The following MED12 variants were observed in gnomAD, a reference collection of about 807,000 sequenced individuals.
MED12 encodes mediator complex subunit 12, also known as mediator of RNA polymerase II transcription subunit 12.
A neutral mutation model predicts 177.7 loss-of-function variants in MED12; 10 were observed. The ratio of observed to expected loss-of-function variants is 0.06; its 90% CI spans 0.03 to 0.10. The LOEUF (loss-of-function observed/expected upper bound fraction) is 0.10. Ranked by LOEUF, MED12 falls within the 10% of genes least tolerant of loss-of-function variation. The probability of loss-of-function intolerance (pLI) is 1.00; values close to 1 mark genes in which losing one functional copy is unlikely to be tolerated. For synonymous variants in MED12, 641 were observed against 678.4 expected (o/e 0.94, Z 0.86); for missense variants, 867 against 1,780.8 (o/e 0.49, Z 9.23).
intron 41 of MED12, among the ~76,000 whole-genome samples, chrX:71,138,229 G>A (rs1390751641): frequency 1.8e-5 from 2 of 111,833 alleles, no homozygotes; most frequent in African/African-American, 3.3e-5. Flanking sequence ...GCTCACACTG[G>A]TAGTCCCAGC....
intron 23 of MED12, 74 bp from the exon 24 acceptor site, chrX:71,128,523 TC>T (rs1359998697): frequency 1.7e-6 from 2 of 1,206,406 alleles, no homozygotes; most frequent in African/African-American, 3.5e-5. Flanking sequence ...GGGACAGAGT[TC>T]CGTAGAGTGG....
intron 28 of MED12, among the ~76,000 whole-genome samples, 178 bp from the exon 29 acceptor site, chrX:71,131,372 C>T (rs1234150523): frequency 3.6e-5 from 4 of 111,148 alleles, no homozygotes; most frequent in Admixed American, 1.9e-4. Context: ...TCAGGTGATC[C>T]GCCTGTCTCA....
intron 8 of MED12, 80 bp from the exon 9 acceptor site, chrX:71,122,428 A>G: frequency 8.4e-7 from 1 of 1,185,976 alleles, no homozygotes; most frequent in Non-Finnish European, 1.1e-6. Context: ...TTTGGAGTCT[A>G]GTACTATTCT....
In MED12 at chrX:71,135,165, G is replaced by A. The variant is rs2092328967; in HGVS notation, c.4937G>A (p.Arg1646Gln). The change falls in exon 36 of 45, where the codon CGA (arginine) becomes CAA (glutamine). Residue 1646 changes from arginine to glutamine, a missense_variant. Transcript: ENST00000374080. ...CTGCTGCCACTGCCCAAGCAGACCCGAGATGTCATCACGTGTGAGCCACAG... is the reference window on the plus strand; with the variant it reads ...CTGCTGCCACTGCCCAAGCAGACCCAAGATGTCATCACGTGTGAGCCACAG... ...RQLLPLPKQT[R>Q]DVITCEPQGS... is the part of the protein sequence containing the mutation. The A allele has an allele frequency of 1.7e-6, 2 of 1,211,663 alleles. No individual in the cohort carries two copies. Among genetic ancestry groups the A allele is most frequent in the Non-Finnish European group, 2.2e-6 (2 of 895,417 alleles).
intron 4 of MED12, 26 bp downstream of exon 4, chrX:71,120,196 A>G: frequency 8.3e-7 from 1 of 1,197,677 alleles, no homozygotes. Context: ...CACCAGGTGT[A>G]CTGCTGATGG....
In MED12 at chrX:71,141,339, C is replaced by G; in HGVS notation, c.6377C>G (p.Pro2126Arg). ...HQQQQQQQAA[P>R]PQPQPQSQPQ... ...CAGCAACAGCAGCAACAGGCGGCTCCTCCCCAACCCCAGCCCCAGTCCCAG... is the reference window on the plus strand; with the variant it reads ...CAGCAACAGCAGCAACAGGCGGCTCGTCCCCAACCCCAGCCCCAGTCCCAG... The change falls in exon 43 of 45, where the codon CCT becomes CGT. Residue 2126 changes from proline (P) to arginine (R), a missense_variant. By Grantham distance (103) the Pro-to-Arg change is moderately radical (BLOSUM62 -2). Around this residue, in one of 14 missense-constraint regions of MED12, gnomAD observed 236 missense variants for 345.2 expected, o/e 0.68. Transcript: ENST00000374080. The G allele has an allele frequency of 8.7e-7, 1 of 1,154,615 alleles. No homozygotes were observed. The highest frequency in any genetic ancestry group is 1.2e-6 in the Non-Finnish European group (1 of 866,559).
chrX:71,139,206 A>C (rs1204129413), intron 41 of MED12, among the ~76,000 whole-genome samples: 4 of 112,289 alleles, frequency 3.6e-5, no homozygotes, highest in African/African-American at 1.3e-4. Context: ...GAGAAAAAGT[A>C]CGTGGTAATA....
intron 36 of MED12, among the ~76,000 whole-genome samples, chrX:71,135,767 T>C (rs2092330632): frequency 8.9e-6 from 1 of 112,046 alleles, no homozygotes; most frequent in Non-Finnish European, 1.9e-5. Context: ...TTCCTCCGTC[T>C]CTGTCTCTCT....
intron 26 of MED12, 66 bp downstream of exon 26, chrX:71,129,495 G>A: frequency 4.1e-6 from 4 of 966,509 alleles, no homozygotes; most frequent in Non-Finnish European, 5.9e-6. Context: ...TAAACTACAA[G>A]GGACAGTCTT....
At chrX:71,118,999 AG>A in intron 1 of MED12, 146 bp downstream of exon 1, 1 of 58,929 alleles carries the variant, frequency 1.7e-5, no homozygotes, top group East Asian at 3.7e-4. Context: ...CTGGCGTGGG[AG>A]GGCAGGACGG....
At chrX:71,141,404 C>T in intron 43 of MED12, 34 bp downstream of exon 43, 3 of 1,167,539 alleles carry the variant, frequency 2.6e-6, no homozygotes, top group Non-Finnish European at 3.4e-6. Context: ...GGCTCAGGGA[C>T]AGCTGCCCAG....
intron 42 of MED12, among the ~76,000 whole-genome samples, 164 bp from the exon 43 acceptor site, chrX:71,141,066 T>C (rs1244215473): frequency 9.1e-6 from 1 of 110,465 alleles, no homozygotes; most frequent in Non-Finnish European, 1.9e-5. Context: ...CATTGTCTGC[T>C]GGGTACCCTA....
chrX:71,127,866 A>G (rs1447794456), intron 21 of MED12, 27 bp from the exon 22 acceptor site: 4 of 1,138,855 alleles, frequency 3.5e-6, no homozygotes, highest in East Asian at 3.0e-5. Flanking sequence ...CTTCAACACT[A>G]CTATCTCCTT....
rs769876044 is a variant in MED12, at chrX:71,118,693, C to G, written c.-62C>G. The stretch of plus-strand genomic sequence containing the variant: ...GCCCCCCTTTTCGGCTCCCTCTCCC[C>G]CTTCCCGTTCCCCCAGTCAGCCTGG... On this transcript the variant is annotated 5_prime_UTR_variant, in exon 1 of 45. Transcript: ENST00000374080. 9.1e-7 allele frequency: 1 copy of G among 1,098,380 alleles called. No individual in the cohort carries two copies. Among genetic ancestry groups the G allele is most frequent in the East Asian group, 3.2e-5 (1 of 31,096 alleles). 90.5% of individuals were successfully genotyped at this position (1,098,380 alleles called of 1,213,427 possible).
At chrX:71,137,462 T>C in intron 39 of MED12, 79 bp downstream of exon 39, 1 of 1,160,305 alleles carries the variant, frequency 8.6e-7, no homozygotes, top group Non-Finnish European at 1.2e-6. Flanking sequence ...AGGAGACACT[T>C]GGGATCTTCA....
Position 71,127,345 on chromosome X carries a change from C to T in MED12, c.2859C>T (p.Gly953=), listed in dbSNP as rs930308384. The T allele has an allele frequency of 3.3e-6, 4 of 1,209,493 alleles. No homozygotes were observed. Among genetic ancestry groups the T allele is most frequent in the African/African-American group, 1.7e-5 (1 of 57,164 alleles). ...QMAQVFEGLC[G]VVKHGMNRSD... ...TTGCTTCTTCATGCAGGCTGTGTGG[C>T]GTCGTGAAGCATGGGATGAACCGGT... Residue 953 remains glycine (G), a synonymous_variant, in exon 21 of 45, where the codon GGC becomes GGT. Transcript: ENST00000374080.
At chrX:71,137,697 C>T (rs759192903) in intron 40 of MED12, 29 bp from the exon 41 acceptor site, 2 of 1,206,359 alleles carry the variant, frequency 1.7e-6, no homozygotes, top group South Asian at 1.8e-5. Context: ...ACTCTCGGCC[C>T]TGATTCCCTC....
At chrX:71,136,065 A>C (rs1602304182) in intron 36 of MED12, among the ~76,000 whole-genome samples, 2 of 98,998 alleles carry the variant, frequency 2.0e-5, no homozygotes, top group African/African-American at 3.9e-5. Flanking sequence ...GGCTGGCTTC[A>C]TCTTGTGCCT....
intron 39 of MED12, 47 bp downstream of exon 39, chrX:71,137,430 G>T (rs978659918): frequency 8.5e-7 from 1 of 1,182,755 alleles, no homozygotes; most frequent in African/African-American, 1.7e-5. Context: ...AGGGAGAGGG[G>T]CTTTTGAGGG....
Sources: gnomAD v4.1 joint callset for allele counts (sites outside exome capture counted in the v4.1 genomes callset) on GRCh38, gnomAD v4.1.1 for gene constraint, gnomAD v4.1.1 regional missense constraint, MANE v1.5 for transcripts, NCBI Gene and HGNC (gene_info 2026-07-23, HGNC 2026-07-21) for gene names.